Variants in LRMDA observed in about 807,000 individuals in gnomAD.
The protein encoded by LRMDA is leucine-rich melanocyte differentiation-associated protein.
Under a neutral mutation model 29.8 loss-of-function variants are expected in LRMDA, and 18 were observed. That is an observed-to-expected ratio of 0.60 (90% CI 0.42 to 0.90). The LOEUF (loss-of-function observed/expected upper bound fraction) is 0.90, where lower values mean the gene tolerates loss of function less well. LRMDA is among the 40% of genes least tolerant of loss of function. The pLI is 0.00. For synonymous variants in LRMDA, 125 were observed against 109.4 expected (o/e 1.14, Z -0.89); for missense variants, 273 against 273.9 (o/e 1.00, Z 0.02).
At chr10:76,443,582 A>G (rs188239360) in intron 6 of LRMDA, among the ~76,000 whole-genome samples, 1 of 152,334 alleles carries the variant, frequency 6.6e-6, no homozygotes, top group East Asian at 1.9e-4. Flanking sequence ...CATCTTTAAT[A>G]TCACTTTGCT....
At chr10:75,901,589 G>C (rs1399504210) in intron 2 of LRMDA, among the ~76,000 whole-genome samples, 1 of 152,028 alleles carries the variant, frequency 6.6e-6, no homozygotes, top group African/African-American at 2.4e-5. Context: ...TTCATGGGGG[G>C]AGAAAAAAGA....
intron 5 of LRMDA, among the ~76,000 whole-genome samples, chr10:76,230,588 GAATAAAATA>G (rs1564693750): frequency 6.7e-6 from 1 of 148,326 alleles, no homozygotes; most frequent in Non-Finnish European, 1.5e-5. Flanking sequence ...TCCCATGCAT[GAATAAAATA>G]AATATATATT....
chr10:75,808,756 C>G (rs538118884), intron 2 of LRMDA, among the ~76,000 whole-genome samples: 86 of 152,316 alleles, frequency 5.6e-4, no homozygotes, highest in Non-Finnish European at 8.7e-4. Flanking sequence ...GATCCGCCCA[C>G]CTCGGCCTCC....
intron 2 of LRMDA, among the ~76,000 whole-genome samples, chr10:75,439,005 G>A (rs904155497): frequency 9.9e-5 from 15 of 152,138 alleles, no homozygotes; most frequent in East Asian, 1.9e-4. Flanking sequence ...AATTTCTCCC[G>A]GATGGTGTTT....
At position 75,762,375 on chromosome 10, in the gene LRMDA, T is replaced by C. The variant is rs151185498; in HGVS notation, c.132-273633T>C. Among the ~76,000 whole-genome samples the C allele has an allele frequency of 5.0e-4, 76 of 152,348 alleles. 1 individual carries two copies. In the East Asian group the frequency reaches 0.014, roughly 28 times the overall value. On this transcript the variant is annotated intron_variant, in intron 2 of 6. Transcript: ENST00000611255. ...TGAGTTTTTTCTGTGATCTTTTTTT[T>C]CTTAGCTCATCAGCTATGATTAGTG...
intron 5 of LRMDA, among the ~76,000 whole-genome samples, chr10:76,280,154 A>T (rs1840184702): frequency 6.6e-6 from 1 of 152,248 alleles, no homozygotes. Context: ...GCCAGAGAAG[A>T]GGTATTTATA....
Position 75,579,866 on chromosome 10 carries a change from C to T in LRMDA, c.131+141372C>T, listed in dbSNP as rs567426020. 5.3e-5 allele frequency among the ~76,000 whole-genome samples: 8 copies of T among 152,302 alleles called. 1 individual carries two copies. The highest frequency in any genetic ancestry group is 1.9e-4 in the African/African-American group (8 of 41,556). On this transcript the variant is annotated intron_variant, in intron 2 of 6. Transcript: ENST00000611255. ...TGCAGAAAAGTCCTTTGACAAAATTCAACAGCCTTTCATGCTGAAAACTCT... is the reference window on the plus strand; with the variant it reads ...TGCAGAAAAGTCCTTTGACAAAATTTAACAGCCTTTCATGCTGAAAACTCT...
chr10:75,929,423 T>C (rs1452506772), intron 2 of LRMDA, among the ~76,000 whole-genome samples: 1 of 152,160 alleles, frequency 6.6e-6, no homozygotes, highest in Non-Finnish European at 1.5e-5. Flanking sequence ...GGCCAACTGT[T>C]GTCTCATTTA....
At chr10:75,903,489 A>G (rs1845709255) in intron 2 of LRMDA, among the ~76,000 whole-genome samples, 1 of 152,254 alleles carries the variant, frequency 6.6e-6, no homozygotes, top group Non-Finnish European at 1.5e-5. Flanking sequence ...CGATTCCATT[A>G]TTGGATAAAT....
At chr10:76,283,958 C>A (rs1051295321) in intron 5 of LRMDA, among the ~76,000 whole-genome samples, 1 of 152,166 alleles carries the variant, frequency 6.6e-6, no homozygotes, top group Admixed American at 6.6e-5. Context: ...GCACCACCAC[C>A]ACACCTTTCT....
chr10:75,448,889 C>T (rs187510139), intron 2 of LRMDA, among the ~76,000 whole-genome samples: 1 of 152,182 alleles, frequency 6.6e-6, no homozygotes, highest in Admixed American at 6.5e-5. Flanking sequence ...CAGTGGCTCA[C>T]GCCTATAATC....
intron 6 of LRMDA, among the ~76,000 whole-genome samples, chr10:76,490,283 T>A (rs370413964): frequency 2.2e-4 from 33 of 152,176 alleles, no homozygotes; most frequent in East Asian, 1.6e-3. Flanking sequence ...AAATATTCTG[T>A]AAATATCTGT....
rs967224812 is a variant in LRMDA at position 76,410,100 on chromosome 10, G to C, written c.601+85615G>C. Among the ~76,000 whole-genome samples the C allele has an allele frequency of 6.6e-5, 10 of 152,162 alleles. No individual in the cohort carries two copies. The East Asian group carries it at 1.9e-3, about 29-fold the overall frequency. ...CATGTATAATGGGCCAGAGGGCAGA[G>C]GCATGGAATGTTGAAGGCACGGAAT... On this transcript the variant is annotated intron_variant, in intron 6 of 6. Coordinates refer to ENST00000611255, the MANE Select transcript of LRMDA (RefSeq NM_001305581.2).
chr10:75,643,287 A>G (rs1841476814), intron 2 of LRMDA, among the ~76,000 whole-genome samples: 1 of 152,156 alleles, frequency 6.6e-6, no homozygotes, highest in Non-Finnish European at 1.5e-5. Flanking sequence ...TGGACTCTAA[A>G]TTCATTTGTT....
At chr10:76,221,409 G>A (rs1250520429) in intron 5 of LRMDA, among the ~76,000 whole-genome samples, 3 of 152,210 alleles carry the variant, frequency 2.0e-5, no homozygotes, top group Non-Finnish European at 2.9e-5. Flanking sequence ...AAGCTGATAA[G>A]CAACTTCAGC....
At chr10:76,211,143 T>C (rs1851626951) in intron 5 of LRMDA, among the ~76,000 whole-genome samples, 2 of 152,170 alleles carry the variant, frequency 1.3e-5, no homozygotes, top group Admixed American at 1.3e-4. Context: ...CTTCCATGTC[T>C]TTGCTCATCT....
In LRMDA at chr10:76,441,126, G is replaced by A. The variant is rs998423673; in HGVS notation, c.602-116083G>A. Among the ~76,000 whole-genome samples, 17 of 152,154 alleles carry A rather than the reference G, an allele frequency of 1.1e-4. No individual in the cohort carries two copies. The East Asian group carries it at 2.5e-3, about 23-fold the overall frequency. ...CAGAGGAGGGAACACACACCAGATG[G>A]TGCATGAGTGATATTGTAGGGTGAC... On this transcript the variant is annotated intron_variant, in intron 6 of 6. Transcript: ENST00000611255.
chr10:76,199,001 GA>G, intron 5 of LRMDA, among the ~76,000 whole-genome samples: 1 of 152,014 alleles, frequency 6.6e-6, no homozygotes. Flanking sequence ...TGAATTGGAA[GA>G]GGAATATCTT....
intron 6 of LRMDA, among the ~76,000 whole-genome samples, chr10:76,541,288 G>T (rs1443084334): frequency 1.3e-5 from 2 of 152,120 alleles, no homozygotes; most frequent in Admixed American, 6.5e-5. Flanking sequence ...GTTACTTGAG[G>T]TCAGGAGGTC....
Sources: allele counts gnomAD v4.1 joint callset (sites outside exome capture counted in the v4.1 genomes callset), GRCh38; gene constraint gnomAD v4.1.1; transcripts MANE v1.5; gene names NCBI Gene and HGNC (gene_info 2026-07-23, HGNC 2026-07-21).